EYS: variants seen among roughly 807,000 people sequenced by gnomAD.
EYS encodes the protein protein eyes shut homolog.
A neutral mutation model predicts 282.1 loss-of-function variants in EYS; 250 were observed. That is an observed-to-expected ratio of 0.89 (90% confidence interval 0.80 to 0.98). EYS has a LOEUF of 0.98. Among genes scored for constraint, EYS ranks in the 50% least tolerant of loss-of-function variants. EYS has a pLI of 0.00. For missense variants in EYS, 4,016 were observed against 3,709.0 expected (o/e 1.08, Z -2.15); for synonymous variants, 1,355 against 1,282.9 (o/e 1.06, Z -1.20).
chr6:64,347,250 A>C (rs1214176574), intron 29 of EYS, among the ~76,000 whole-genome samples: 1 of 151,594 alleles, frequency 6.6e-6, no homozygotes, highest in African/African-American at 2.4e-5. Context: ...GGTTTGATTT[A>C]AACAAACTCT....
intron 14 of EYS, among the ~76,000 whole-genome samples, chr6:64,955,436 C>G (rs1208152092): frequency 1.3e-5 from 2 of 152,070 alleles, no homozygotes; most frequent in African/African-American, 4.8e-5. Context: ...GCTACACACA[C>G]AGAGAGGGAG....
chr6:65,221,477 T>C (rs755086033), intron 12 of EYS, among the ~76,000 whole-genome samples: 1 of 152,174 alleles, frequency 6.6e-6, no homozygotes, highest in African/African-American at 2.4e-5. Context: ...CCTTAGAGGC[T>C]TACACATGGT....
At chr6:64,062,105 C>T (rs1771197202) in intron 33 of EYS, among the ~76,000 whole-genome samples, 1 of 152,052 alleles carries the variant, frequency 6.6e-6, no homozygotes, top group African/African-American at 2.4e-5. Flanking sequence ...ATTTACCCTG[C>T]ATTTGCATAG....
chr6:64,455,033 A>G (rs7451823), intron 26 of EYS, among the ~76,000 whole-genome samples: 34 of 152,238 alleles, frequency 2.2e-4, no homozygotes, highest in African/African-American at 7.0e-4. Flanking sequence ...CATGCAATTC[A>G]TTTACATATT....
At chr6:64,502,252 GTT>G (rs71551592) in intron 26 of EYS, among the ~76,000 whole-genome samples, 1 of 150,882 alleles carries the variant, frequency 6.6e-6, no homozygotes, top group South Asian at 2.1e-4. Context: ...GTTTTGTTTT[GTT>G]TTTTTTGCCG....
chr6:65,049,193 A>G (rs1773193959), intron 13 of EYS, among the ~76,000 whole-genome samples: 1 of 151,840 alleles, frequency 6.6e-6, no homozygotes, highest in Admixed American at 6.6e-5. Context: ...AATTTTCCCC[A>G]GATTAATGAC....
chr6:64,512,142 C>G (rs577445776), intron 26 of EYS, among the ~76,000 whole-genome samples: 14 of 152,166 alleles, frequency 9.2e-5, no homozygotes, highest in East Asian at 3.9e-4. Flanking sequence ...CACATATACA[C>G]ATACATATGT....
intron 31 of EYS, among the ~76,000 whole-genome samples, chr6:64,197,633 T>C (rs1341100402): frequency 2.0e-5 from 3 of 152,030 alleles, no homozygotes; most frequent in Admixed American, 6.5e-5. Flanking sequence ...CTTGCTGCTA[T>C]TTTTTTATTT....
chr6:65,484,631 C>T (rs1582358772), intron 5 of EYS, among the ~76,000 whole-genome samples: 2 of 152,116 alleles, frequency 1.3e-5, no homozygotes, highest in East Asian at 3.9e-4. Context: ...TGCTACTCTT[C>T]CAGCACAATG....
intron 2 of EYS, among the ~76,000 whole-genome samples, chr6:65,537,887 G>A (rs1438139659): frequency 6.6e-6 from 1 of 152,188 alleles, no homozygotes; most frequent in Non-Finnish European, 1.5e-5. Flanking sequence ...TGCAGTAAGT[G>A]CTGATGCTGA....
At chr6:65,568,316 T>C (rs1764355636) in intron 2 of EYS, among the ~76,000 whole-genome samples, 1 of 151,724 alleles carries the variant, frequency 6.6e-6, no homozygotes, top group Non-Finnish European at 1.5e-5. Flanking sequence ...TTCTTTTTTT[T>C]TTTTGTAACC....
chr6:64,368,963 C>T (rs1466220287), intron 29 of EYS, among the ~76,000 whole-genome samples: 2 of 152,088 alleles, frequency 1.3e-5, no homozygotes. Context: ...GTGTCTGCCT[C>T]ATGTAATCCT....
intron 28 of EYS, among the ~76,000 whole-genome samples, chr6:64,406,662 A>G (rs1436491491): frequency 6.6e-6 from 1 of 152,226 alleles, no homozygotes; most frequent in Non-Finnish European, 1.5e-5. Context: ...ATGAACAGAC[A>G]CTTCTCAAAA....
chr6:65,591,849 T>C (rs1281445626), intron 2 of EYS, among the ~76,000 whole-genome samples: 2 of 152,008 alleles, frequency 1.3e-5, no homozygotes, highest in African/African-American at 4.8e-5. Context: ...AATTAAATTA[T>C]TTTTTATATT....
intron 13 of EYS, among the ~76,000 whole-genome samples, chr6:65,051,163 T>C (rs1773257301): frequency 6.6e-6 from 1 of 151,584 alleles, no homozygotes; most frequent in African/African-American, 2.4e-5. Context: ...AAGCCTTATC[T>C]TTTTTGCATT....
chr6:64,948,207 G>A (rs187018289), intron 14 of EYS, among the ~76,000 whole-genome samples: 140 of 151,298 alleles, frequency 9.3e-4, no homozygotes, highest in African/African-American at 3.1e-3. Flanking sequence ...AAAATTTAAA[G>A]ATGTAAATGA....
chr6:65,335,259 T>C (rs1769944801), intron 10 of EYS, 113 bp from the exon 11 acceptor site: 1 of 794,472 alleles, frequency 1.3e-6, no homozygotes, highest in Non-Finnish European at 2.2e-6. Context: ...AGATGAAACC[T>C]AGGGTTAAGG....
At chr6:65,247,689 G>T (rs1767215316) in intron 12 of EYS, among the ~76,000 whole-genome samples, 1 of 152,002 alleles carries the variant, frequency 6.6e-6, no homozygotes, top group Non-Finnish European at 1.5e-5. Context: ...AACCACAGAA[G>T]AAAATAGAAG....
intron 14 of EYS, among the ~76,000 whole-genome samples, chr6:64,997,218 T>G (rs1771293675): frequency 6.6e-6 from 1 of 152,164 alleles, no homozygotes; most frequent in African/African-American, 2.4e-5. Flanking sequence ...GAAATACATG[T>G]GTGAATGTAA....
Sources: gnomAD v4.1 joint callset for allele counts (sites outside exome capture counted in the v4.1 genomes callset) on GRCh38, gnomAD v4.1.1 for gene constraint, MANE v1.5 for transcripts, NCBI Gene and HGNC (gene_info 2026-07-23, HGNC 2026-07-21) for gene names.